Variants in NFATC1 observed in about 807,000 individuals in gnomAD.
The protein encoded by NFATC1 is nuclear factor of activated T-cells, cytoplasmic 1.
In NFATC1, 22 loss-of-function variants were observed where a neutral mutation model predicts 76.0. The ratio of observed to expected loss-of-function variants is 0.29; its 90% CI spans 0.21 to 0.41. NFATC1 has a LOEUF of 0.41. Ranked by LOEUF, NFATC1 falls within the 10% of genes least tolerant of loss-of-function variation. NFATC1 has a pLI of 1.00. For synonymous variants in NFATC1, 704 were observed against 613.1 expected, an observed-to-expected ratio of 1.15 and a Z score of -2.19; for missense variants, 1,357 against 1,337.7, an observed-to-expected ratio of 1.01 and a Z score of -0.23.
At chr18:79,419,894 A>T (rs892336007) in intron 2 of NFATC1, among the ~76,000 whole-genome samples, 3 of 152,192 alleles carry the variant, frequency 2.0e-5, no homozygotes, top group Non-Finnish European at 2.9e-5. Context: ...ACCAGATCTT[A>T]AGTGCAAATT....
chr18:79,402,144 C>T (rs922909118), intron 1 of NFATC1, among the ~76,000 whole-genome samples: 3 of 152,230 alleles, frequency 2.0e-5, no homozygotes, highest in Non-Finnish European at 4.4e-5. Context: ...GCGACAGCAG[C>T]CTCGGGAAGG....
intron 2 of NFATC1, among the ~76,000 whole-genome samples, chr18:79,423,673 C>T (rs996184860): frequency 2.0e-5 from 3 of 152,164 alleles, no homozygotes; most frequent in Non-Finnish European, 2.9e-5. Flanking sequence ...GAGCCTCACC[C>T]GGCGGGCAGG....
intron 6 of NFATC1, among the ~76,000 whole-genome samples, chr18:79,454,768 C>T (rs887671788): frequency 1.3e-4 from 20 of 152,156 alleles, no homozygotes; most frequent in Admixed American, 7.2e-4. Flanking sequence ...AGCCGAGGGC[C>T]GGGTGTTGGT....
intron 1 of NFATC1, among the ~76,000 whole-genome samples, chr18:79,397,891 C>G (rs1247353410): frequency 6.6e-6 from 1 of 152,194 alleles, no homozygotes; most frequent in Non-Finnish European, 1.5e-5. Flanking sequence ...GGCAGTGCGC[C>G]GGGCAGCGAC....
At chr18:79,426,035 G>A (rs1031464252) in intron 2 of NFATC1, among the ~76,000 whole-genome samples, 5 of 151,952 alleles carry the variant, frequency 3.3e-5, no homozygotes, top group Admixed American at 3.3e-4. Flanking sequence ...AACATGGAGA[G>A]ACCCCATCTC....
chr18:79,480,459 C>A (rs559817977), intron 8 of NFATC1, among the ~76,000 whole-genome samples: 1 of 152,116 alleles, frequency 6.6e-6, no homozygotes, highest in Admixed American at 6.5e-5. Flanking sequence ...GCAGCCCGTG[C>A]GTCCCGATGC....
At chr18:79,439,756 C>T (rs954192050) in intron 3 of NFATC1, among the ~76,000 whole-genome samples, 5 of 152,144 alleles carry the variant, frequency 3.3e-5, no homozygotes, top group African/African-American at 9.7e-5. Flanking sequence ...TTATGATGAA[C>T]GAGGATTCAC....
At chr18:79,463,003 G>A (rs2144882549) in intron 7 of NFATC1, among the ~76,000 whole-genome samples, 1 of 152,338 alleles carries the variant, frequency 6.6e-6, no homozygotes, top group African/African-American at 2.4e-5. Context: ...AGCGGTGCTG[G>A]CACCTTCACT....
chr18:79,433,503 G>A (rs890036316), intron 2 of NFATC1, 76 bp from the exon 3 acceptor site: 107 of 1,573,686 alleles, frequency 6.8e-5, no homozygotes, highest in Middle Eastern at 4.4e-4. Context: ...AGATGGCGAC[G>A]GGTGAGCACG....
intron 1 of NFATC1, among the ~76,000 whole-genome samples, chr18:79,406,729 C>T (rs1011938040): frequency 4.6e-5 from 7 of 152,138 alleles, no homozygotes; most frequent in Non-Finnish European, 1.0e-4. Context: ...AACGGGAACC[C>T]CCCAGGAGCC....
At position 79,410,244 on chromosome 18, in the gene NFATC1, G is replaced by A. The variant is rs1025842651; in HGVS notation, c.128-159G>A. 3.9e-5 allele frequency: 48 copies of A among 1,230,164 alleles called. No homozygotes were observed. In the Admixed American group the frequency reaches 6.4e-4, roughly 16 times the overall value. The allele number at this position is 1,230,164 out of a possible 1,614,324, so 76.2% of individuals were successfully genotyped here. A position where few individuals can be genotyped will look rare whatever the true frequency, so the allele number is the denominator to read the frequency against. On this transcript the variant is annotated intron_variant, in intron 1 of 9. Coordinates refer to ENST00000427363, the MANE Select transcript of NFATC1 (RefSeq NM_001278669.2). This position sits in a 1 kb window ranked among gnomAD's most constrained non-coding sequence, Gnocchi z 6.7. The stretch of plus-strand genomic sequence containing the variant: ...CTGGGGCTGTCACTCCAAGTCGCCC[G>A]GAGCTGTCCGGCAGCGTGGTCTCAG...
intron 1 of NFATC1, among the ~76,000 whole-genome samples, chr18:79,400,810 TCCCGACCTCCCCGAC>T (rs2085188228): frequency 2.2e-4 from 1 of 4,486 alleles, no homozygotes; most frequent in Non-Finnish European, 3.9e-4. Context: ...CGTCCCGCCC[TCCCGACCTCCCCGAC>T]CCCCCGACCC....
At chr18:79,466,188 G>T (rs1247859288) in intron 7 of NFATC1, among the ~76,000 whole-genome samples, 1 of 152,168 alleles carries the variant, frequency 6.6e-6, no homozygotes, top group Non-Finnish European at 1.5e-5. Flanking sequence ...GTTGTCTTCA[G>T]TTTTCTGTCT....
At chr18:79,488,827 C>G (rs1237936355) in intron 9 of NFATC1, among the ~76,000 whole-genome samples, 3 of 152,208 alleles carry the variant, frequency 2.0e-5, no homozygotes, top group African/African-American at 7.2e-5. Context: ...CAGTTGTGAC[C>G]CACCAGCTCT....
intron 9 of NFATC1, chr18:79,497,648 G>A (rs550329120): frequency 2.0e-5 from 3 of 152,044 alleles, no homozygotes; most frequent in South Asian, 4.2e-4. Flanking sequence ...GGGCACATAC[G>A]AAAATGGATG....
intron 4 of NFATC1, 70 bp from the exon 5 acceptor site, chr18:79,450,884 T>TG (rs1345778460): frequency 3.2e-6 from 5 of 1,550,120 alleles, no homozygotes; most frequent in Non-Finnish European, 3.5e-6. Flanking sequence ...CCAGAGGGTC[T>TG]GGGGGGCCAG....
At chr18:79,480,777 C>T (rs1016246351) in intron 8 of NFATC1, among the ~76,000 whole-genome samples, 13 of 152,190 alleles carry the variant, frequency 8.5e-5, no homozygotes, top group Non-Finnish European at 1.5e-4. Flanking sequence ...CTCTAGTGTC[C>T]GCCAGAGCTG....
intron 8 of NFATC1, among the ~76,000 whole-genome samples, chr18:79,484,504 T>A (rs2089438400): frequency 6.6e-6 from 1 of 152,020 alleles, no homozygotes; most frequent in Non-Finnish European, 1.5e-5. Context: ...CTACTCAGTG[T>A]GCAGGGCGGA....
intron 8 of NFATC1, among the ~76,000 whole-genome samples, chr18:79,483,583 G>GGTCCTGGGGTGTCACTCCGGCGTGACCTC (rs2089389680): frequency 8.4e-6 from 1 of 119,618 alleles, no homozygotes; most frequent in African/African-American, 3.8e-5. Flanking sequence ...GGCGTGACCT[G>GGTCCTGGGGTGTCACTCCGGCGTGACCTC]GTTCCTGGGG....
Sources: gnomAD v4.1 joint callset for allele counts (sites outside exome capture counted in the v4.1 genomes callset) on GRCh38, gnomAD v4.1.1 for gene constraint, Gnocchi (gnomAD v3.1) non-coding constraint, MANE v1.5 for transcripts, NCBI Gene and HGNC (gene_info 2026-07-23, HGNC 2026-07-21) for gene names.